The following SUGP1 variants were observed in gnomAD, a reference collection of about 807,000 sequenced individuals.
SUGP1 encodes the protein SURP and G-patch domain-containing protein 1.
SUGP1 carries 34 observed loss-of-function variants against 76.5 expected under a neutral mutation model. That is an observed-to-expected ratio of 0.44 (90% confidence interval 0.34 to 0.59). The LOEUF is 0.59. Ranked by LOEUF, SUGP1 falls within the 20% of genes least tolerant of loss-of-function variation. SUGP1 has a pLI of 0.01. For missense variants in SUGP1, 752 were observed against 851.7 expected, an observed-to-expected ratio of 0.88 and a Z score of 1.46; for synonymous variants, 326 against 326.2, an observed-to-expected ratio of 1.00 and a Z score of 0.01.
At chr19:19,317,206 G>C (rs1386110508) in intron 1 of SUGP1, among the ~76,000 whole-genome samples, 2 of 151,508 alleles carry the variant, frequency 1.3e-5, no homozygotes, top group Non-Finnish European at 2.9e-5. Context: ...GGGTGAAAAA[G>C]TAACAGGAGA....
chr19:19,320,359 A>T, intron 1 of SUGP1, 104 bp downstream of exon 1: 1 of 1,282,280 alleles, frequency 7.8e-7, no homozygotes, highest in Non-Finnish European at 1.1e-6. Flanking sequence ...CCGGGGCTGA[A>T]GCGAGGGATC....
chr19:19,310,265 CGAGGAT>C, intron 2 of SUGP1, 65 bp from the exon 3 acceptor site: 1 of 1,275,158 alleles, frequency 7.8e-7, no homozygotes, highest in South Asian at 1.2e-5. Context: ...CACCAGAGGA[CGAGGAT>C]GAGGATGAGG....
At chr19:19,317,558 C>G (rs1363032259) in intron 1 of SUGP1, among the ~76,000 whole-genome samples, 2 of 152,154 alleles carry the variant, frequency 1.3e-5, no homozygotes, top group Non-Finnish European at 2.9e-5. Flanking sequence ...GGCTCTGTTT[C>G]TCAGGCTGGA....
chr19:19,301,930 A>G (rs1472718875), intron 7 of SUGP1: 1 of 324,820 alleles, frequency 3.1e-6, no homozygotes. Flanking sequence ...GTGAATTTCC[A>G]CTTGAGAGCC....
At chr19:19,317,682 T>A (rs1374356325) in intron 1 of SUGP1, among the ~76,000 whole-genome samples, 3 of 152,210 alleles carry the variant, frequency 2.0e-5, no homozygotes, top group Non-Finnish European at 4.4e-5. Flanking sequence ...CTCACTTGGC[T>A]AATTTTTAAA....
chr19:19,281,017 C>T (rs1241528905), intron 8 of SUGP1: 1 of 152,298 alleles, frequency 6.6e-6, no homozygotes, highest in Non-Finnish European at 1.5e-5. Flanking sequence ...CTCATCAACA[C>T]TCGGGCTTTG....
At chr19:19,281,961 T>C (rs1599845606) in intron 8 of SUGP1, among the ~76,000 whole-genome samples, 1 of 152,160 alleles carries the variant, frequency 6.6e-6, no homozygotes, top group African/African-American at 2.4e-5. Context: ...ATTGTGCTTA[T>C]CGTTGTCTGT....
intron 8 of SUGP1, among the ~76,000 whole-genome samples, chr19:19,284,117 G>A (rs1161003516): frequency 6.6e-6 from 1 of 152,160 alleles, no homozygotes; most frequent in Non-Finnish European, 1.5e-5. Flanking sequence ...GTGCAATATA[G>A]TAAACCTTGA....
rs774565208 is a variant in SUGP1, at chr19:19,297,177, G to A, written c.1055C>T (p.Thr352Ile). Residue 352 changes from threonine (T) to isoleucine (I), a missense_variant, in exon 8 of 14, where the codon ACC (threonine) becomes ATC (isoleucine). Thr to Ile is a moderately conservative substitution (Grantham distance 89). Around this residue, in one of 2 missense-constraint regions of SUGP1, gnomAD observed 620 missense variants for 617.3 expected, o/e 1.00. Transcript: ENST00000247001. ...CGCAGGCGTGGACGAGGCGGGGCAG[G>A]TGGTGGCTGGGGGTAAGGACCCTGA... Reference protein sequence around the residue: ...ALSGSLPPATTCPASSTPAPT... With the variant: ...ALSGSLPPATICPASSTPAPT... The A allele has an allele frequency of 1.9e-6, 3 of 1,611,056 alleles. No individual in the cohort carries two copies. Among genetic ancestry groups the A allele is most frequent in the Non-Finnish European group, 2.5e-6 (3 of 1,177,632 alleles).
intron 7 of SUGP1, among the ~76,000 whole-genome samples, chr19:19,300,763 C>T (rs1338606325): frequency 2.0e-5 from 3 of 152,180 alleles, no homozygotes; most frequent in African/African-American, 7.2e-5. Context: ...CCTCAACCAG[C>T]CTGGCCTCCC....
chr19:19,307,997 A>G (rs2061329007), intron 3 of SUGP1, among the ~76,000 whole-genome samples: 1 of 152,082 alleles, frequency 6.6e-6, no homozygotes, highest in South Asian at 2.1e-4. Flanking sequence ...GATCAGAAGT[A>G]TCAAAGGCAA....
At chr19:19,302,647 G>A (rs2061281375) in intron 6 of SUGP1, among the ~76,000 whole-genome samples, 1 of 150,258 alleles carries the variant, frequency 6.7e-6, no homozygotes, top group Non-Finnish European at 1.5e-5. Context: ...GGATCCAAAT[G>A]TGACTGCGGG....
At chr19:19,303,963 G>C in intron 4 of SUGP1, 116 bp from the exon 5 acceptor site, 1 of 1,598,306 alleles carries the variant, frequency 6.3e-7, no homozygotes. Flanking sequence ...GTGAGATGCA[G>C]GAGGCTGTCG....
intron 8 of SUGP1, among the ~76,000 whole-genome samples, chr19:19,288,661 T>TGGAAAA (rs2061159487): frequency 6.6e-6 from 1 of 152,022 alleles, no homozygotes; most frequent in Non-Finnish European, 1.5e-5. Context: ...GAGCCTAAGG[T>TGGAAAA]GGAAGGATAG....
intron 9 of SUGP1, 83 bp from the exon 10 acceptor site, chr19:19,279,473 G>C: frequency 1.4e-6 from 2 of 1,452,896 alleles, no homozygotes; most frequent in Non-Finnish European, 1.8e-6. Flanking sequence ...CTCCAGTGCT[G>C]GGCATCCCCC....
chr19:19,277,775 C>T lies in SUGP1; in HGVS notation c.1740G>A (p.Gly580=). Residue 580 remains glycine (G), a synonymous_variant, in exon 12 of 14, where the codon GGG becomes GGA. Coordinates refer to ENST00000247001, the MANE Select transcript of SUGP1 (RefSeq NM_172231.4). Reference sequence around the variant, plus strand: ...TGATGCCCTGGCCCTCTGAGCCCAGCCCCTCGCCCTCCTTCCAGCCCATCT... The same window carrying T: ...TGATGCCCTGGCCCTCTGAGCCCAGTCCCTCGCCCTCCTTCCAGCCCATCT... The part of the protein sequence containing the change: ...LMKMGWKEGE[G]LGSEGQGIKN... 6.2e-7 allele frequency: 1 copy of T among 1,614,048 alleles called. No individual in the cohort carries two copies. The highest frequency in any genetic ancestry group is 8.5e-7 in the Non-Finnish European group (1 of 1,179,974).
At chr19:19,320,334 AC>A (rs2146637967) in intron 1 of SUGP1, 128 bp downstream of exon 1, 2 of 1,002,640 alleles carry the variant, frequency 2.0e-6, no homozygotes, top group South Asian at 3.7e-5. Flanking sequence ...GCAGAAGCCG[AC>A]GCTGTGGGCT....
At position 19,305,835 on chromosome 19, in the gene SUGP1, C is replaced by T. The variant is rs749084902; in HGVS notation, c.538+14G>A. The T allele has an allele frequency of 5.1e-6, 8 of 1,582,172 alleles. No individual in the cohort carries two copies. Among genetic ancestry groups the T allele is most frequent in the Middle Eastern group, 1.7e-4 (1 of 5,960 alleles). On this transcript the variant is annotated intron_variant, in intron 4 of 13. Coordinates refer to ENST00000247001, the MANE Select transcript of SUGP1 (RefSeq NM_172231.4). ...GGCACTGGTGGTGGGGGAGCAGCAG[C>T]TCCCACAACTTACCTTTGATCTCCA... is the stretch of plus-strand genomic sequence containing the variant.
chr19:19,317,808 CTTT>C (rs781257871), intron 1 of SUGP1, among the ~76,000 whole-genome samples: 3 of 110,594 alleles, frequency 2.7e-5, no homozygotes, highest in Non-Finnish European at 3.6e-5. Flanking sequence ...GCCCCAGTGG[CTTT>C]TTTTTTTTTT....
Sources: gnomAD v4.1 joint callset for allele counts (sites outside exome capture counted in the v4.1 genomes callset) on GRCh38, gnomAD v4.1.1 for gene constraint, gnomAD v4.1.1 regional missense constraint, MANE v1.5 for transcripts, NCBI Gene and HGNC (gene_info 2026-07-23, HGNC 2026-07-21) for gene names.